Variants in GRID2 observed in about 807,000 individuals in gnomAD.
GRID2 encodes the protein glutamate receptor ionotropic, delta-2.
A neutral mutation model predicts 114.8 loss-of-function variants in GRID2; 33 were observed. The ratio of observed to expected loss-of-function variants is 0.29; its 90% confidence interval spans 0.22 to 0.38. GRID2 has a LOEUF of 0.38. GRID2 is among the 10% of genes least tolerant of loss of function. GRID2 has a pLI of 1.00. For missense variants in GRID2, 1,184 were observed against 1,257.7 expected, an observed-to-expected ratio of 0.94 and a Z score of 0.89; for synonymous variants, 505 against 449.9, an observed-to-expected ratio of 1.12 and a Z score of -1.55.
chr4:93,450,459 A>G (rs917148105), intron 10 of GRID2, among the ~76,000 whole-genome samples: 3 of 152,050 alleles, frequency 2.0e-5, no homozygotes, highest in African/African-American at 7.2e-5. Context: ...AATGCATACT[A>G]TTAATCTTAC....
chr4:93,336,239 A>G (rs1354009774), intron 8 of GRID2, among the ~76,000 whole-genome samples: 1 of 152,124 alleles, frequency 6.6e-6, no homozygotes. Flanking sequence ...TTCCTTTTGT[A>G]TACCCCCAAA....
At chr4:92,702,801 A>G (rs1286717412) in intron 2 of GRID2, 1 of 152,042 alleles carries the variant, frequency 6.6e-6, no homozygotes, top group Non-Finnish European at 1.5e-5. Flanking sequence ...GTAGGTCACT[A>G]GCTTGTAATT....
intron 8 of GRID2, among the ~76,000 whole-genome samples, chr4:93,329,999 C>G (rs1245749335): frequency 6.6e-6 from 1 of 152,096 alleles, no homozygotes; most frequent in Non-Finnish European, 1.5e-5. Flanking sequence ...GATCACTAAA[C>G]TGGCCATAAA....
intron 14 of GRID2, among the ~76,000 whole-genome samples, chr4:93,713,712 G>A (rs375018438): frequency 1.3e-5 from 2 of 152,158 alleles, no homozygotes; most frequent in South Asian, 4.1e-4. Flanking sequence ...CCTAAAACAA[G>A]AGTTTTACTT....
At chr4:93,697,222 G>C (rs1727096879) in intron 14 of GRID2, among the ~76,000 whole-genome samples, 1 of 152,138 alleles carries the variant, frequency 6.6e-6, no homozygotes, top group Non-Finnish European at 1.5e-5. Flanking sequence ...CAACTGAATT[G>C]AAGTAAATAA....
intron 1 of GRID2, among the ~76,000 whole-genome samples, chr4:92,565,965 A>G (rs1727315369): frequency 6.6e-6 from 1 of 152,150 alleles, no homozygotes; most frequent in South Asian, 2.1e-4. Flanking sequence ...ATCACAAAGA[A>G]GAAATCAAGT....
In GRID2 at chr4:93,471,367, C is replaced by T. The variant is rs115882129; in HGVS notation, c.1858+15393C>T. 6.1e-3 allele frequency among the ~76,000 whole-genome samples: 934 copies of T among 152,114 alleles called. 6 individuals are homozygous for T. The highest frequency in any genetic ancestry group is 0.01 in the Non-Finnish European group (700 of 67,976). ...GATAAGCATTTCAAAAATTGTATTCCGTAACTCCCCTTCTAGTTTTTATCC... is the reference window on the plus strand; with the variant it reads ...GATAAGCATTTCAAAAATTGTATTCTGTAACTCCCCTTCTAGTTTTTATCC... On this transcript the variant is annotated intron_variant, in intron 11 of 15. Coordinates refer to ENST00000282020, the MANE Select transcript of GRID2 (RefSeq NM_001510.4).
intron 13 of GRID2, among the ~76,000 whole-genome samples, chr4:93,562,434 G>T: frequency 6.6e-6 from 1 of 151,696 alleles, no homozygotes; most frequent in Non-Finnish European, 1.5e-5. Flanking sequence ...TCTATATTTT[G>T]GATAACAGTC....
At chr4:92,530,935 A>G (rs1345887554) in intron 1 of GRID2, among the ~76,000 whole-genome samples, 2 of 151,780 alleles carry the variant, frequency 1.3e-5, no homozygotes, top group African/African-American at 2.4e-5. Flanking sequence ...GGTCTTTAAA[A>G]CAATTCCCAA....
intron 3 of GRID2, among the ~76,000 whole-genome samples, chr4:93,092,320 G>A (rs1041187912): frequency 3.3e-5 from 5 of 152,074 alleles, no homozygotes; most frequent in Non-Finnish European, 5.9e-5. Context: ...GTCTACATCA[G>A]CTGATCAGAC....
At chr4:93,150,534 C>T (rs182254020) in intron 4 of GRID2, among the ~76,000 whole-genome samples, 85 of 152,182 alleles carry the variant, frequency 5.6e-4, no homozygotes, top group African/African-American at 1.9e-3. Flanking sequence ...CTTAGGAGGA[C>T]ACCAAGTAGG....
chr4:93,285,395 A>G (rs1012158655), intron 8 of GRID2, among the ~76,000 whole-genome samples: 13 of 152,214 alleles, frequency 8.5e-5, no homozygotes, highest in Middle Eastern at 3.4e-3. Context: ...TCTTTTCTAT[A>G]TAAACCTTTA....
chr4:92,814,392 T>C (rs1285124131), intron 2 of GRID2, among the ~76,000 whole-genome samples: 1 of 152,150 alleles, frequency 6.6e-6, no homozygotes, highest in African/African-American at 2.4e-5. Flanking sequence ...CCATTGCCTC[T>C]GAAGCTGAGA....
At chr4:92,981,643 A>G (rs1465582153) in intron 2 of GRID2, among the ~76,000 whole-genome samples, 1 of 151,982 alleles carries the variant, frequency 6.6e-6, no homozygotes, top group Non-Finnish European at 1.5e-5. Flanking sequence ...AGTGAGTTGA[A>G]GCTGGATTTG....
Position 93,505,501 on chromosome 4 carries a change from A to G in GRID2, c.1998-9715A>G, listed in dbSNP as rs560348380. 3.3e-5 allele frequency among the ~76,000 whole-genome samples: 5 copies of G among 151,350 alleles called. No homozygotes were observed. The South Asian group carries it at 6.2e-4, about 19-fold the overall frequency. On this transcript the variant is annotated intron_variant, in intron 12 of 15. Transcript: ENST00000282020. Reference sequence around the variant, plus strand: ...ATGATATATAAAAAAGAAACTGCACATGCTTTTTACCATGCACAGGAAAAC... The same window carrying G: ...ATGATATATAAAAAAGAAACTGCACGTGCTTTTTACCATGCACAGGAAAAC...
chr4:93,575,631 G>A (rs1736351038), intron 13 of GRID2, among the ~76,000 whole-genome samples: 1 of 152,002 alleles, frequency 6.6e-6, no homozygotes, highest in African/African-American at 2.4e-5. Context: ...AATTAAATTA[G>A]TTAATAATAT....
At chr4:92,426,134 C>T (rs1732146767) in intron 1 of GRID2, among the ~76,000 whole-genome samples, 1 of 152,076 alleles carries the variant, frequency 6.6e-6, no homozygotes, top group South Asian at 2.1e-4. Context: ...CTTCATACAT[C>T]TCTGGCATGT....
chr4:92,479,064 T>G (rs1005347015), intron 1 of GRID2, among the ~76,000 whole-genome samples: 3 of 152,148 alleles, frequency 2.0e-5, no homozygotes, highest in Non-Finnish European at 4.4e-5. Flanking sequence ...GTATCTCATA[T>G]GAGCCAGTTG....
chr4:93,333,112 G>T (rs1336881895), intron 8 of GRID2, among the ~76,000 whole-genome samples: 1 of 152,126 alleles, frequency 6.6e-6, no homozygotes, highest in South Asian at 2.1e-4. Flanking sequence ...CAAATTACAG[G>T]TAGGCCTCCC....
Sources: gnomAD v4.1 joint callset for allele counts (sites outside exome capture counted in the v4.1 genomes callset) on GRCh38, gnomAD v4.1.1 for gene constraint, MANE v1.5 for transcripts, NCBI Gene and HGNC (gene_info 2026-07-23, HGNC 2026-07-21) for gene names.